The following OPCML variants were observed in gnomAD, a reference collection of about 807,000 sequenced individuals.
OPCML encodes the protein opioid-binding protein/cell adhesion molecule.
A neutral mutation model predicts 37.8 loss-of-function variants in OPCML; 13 were observed. That is an observed-to-expected ratio of 0.34 (90% CI 0.22 to 0.55). OPCML has a LOEUF of 0.55. OPCML is among the 20% of genes least tolerant of loss of function. The probability of loss-of-function intolerance (pLI) is 0.91; values close to 1 mark genes in which losing one functional copy is unlikely to be tolerated. For synonymous variants in OPCML, 176 were observed against 168.8 expected (o/e 1.04, Z -0.33); for missense variants, 341 against 435.6 (o/e 0.78, Z 1.93).
At chr11:133,457,026 G>T (rs1349889804) in intron 1 of OPCML, among the ~76,000 whole-genome samples, 2 of 152,088 alleles carry the variant, frequency 1.3e-5, no homozygotes, top group African/African-American at 4.8e-5. Context: ...GTCTAAGTAG[G>T]ATTAACCAAC....
At chr11:132,702,224 T>G (rs1943854418) in intron 2 of OPCML, among the ~76,000 whole-genome samples, 1 of 152,196 alleles carries the variant, frequency 6.6e-6, no homozygotes, top group South Asian at 2.1e-4. Context: ...AAAACTCCAT[T>G]TGGCATTTAT....
chr11:132,561,678 T>G (rs1158718639), intron 3 of OPCML, among the ~76,000 whole-genome samples: 1 of 152,254 alleles, frequency 6.6e-6, no homozygotes, highest in Non-Finnish European at 1.5e-5. Context: ...TAAAATGAAT[T>G]CATGTCATAC....
chr11:132,622,712 T>TG (rs1339897890), intron 3 of OPCML, among the ~76,000 whole-genome samples: 1 of 152,176 alleles, frequency 6.6e-6, no homozygotes, highest in South Asian at 2.1e-4. Context: ...GATGGAACCA[T>TG]GGGGGGCTGC....
intron 1 of OPCML, among the ~76,000 whole-genome samples, chr11:133,477,012 A>G (rs1393037054): frequency 6.6e-6 from 1 of 152,190 alleles, no homozygotes; most frequent in Non-Finnish European, 1.5e-5. Context: ...TTTACAAAAC[A>G]GGACCCTTGG....
chr11:133,424,048 G>A (rs2136901231), intron 1 of OPCML, among the ~76,000 whole-genome samples: 1 of 152,288 alleles, frequency 6.6e-6, no homozygotes, highest in South Asian at 2.1e-4. Context: ...CCCAGGGTCA[G>A]ATATTCCTTA....
intron 2 of OPCML, among the ~76,000 whole-genome samples, chr11:132,893,415 A>ATCACAG (rs1278601197): frequency 1.3e-5 from 2 of 152,156 alleles, no homozygotes; most frequent in Admixed American, 6.5e-5. Context: ...GCTGCTGGGC[A>ATCACAG]CTCAGCTAGC....
chr11:132,898,808 AATG>A (rs377689950), intron 2 of OPCML, among the ~76,000 whole-genome samples: 32 of 152,056 alleles, frequency 2.1e-4, no homozygotes, highest in Non-Finnish European at 3.5e-4. Flanking sequence ...GAGACACAAC[AATG>A]ATTCCATTGA....
chr11:133,331,326 A>G (rs1943614712), intron 1 of OPCML, among the ~76,000 whole-genome samples: 1 of 152,138 alleles, frequency 6.6e-6, no homozygotes, highest in Non-Finnish European at 1.5e-5. Context: ...ATGGGTGACA[A>G]GGACAGCTGA....
chr11:132,972,809 A>G (rs1481620776), intron 1 of OPCML, among the ~76,000 whole-genome samples: 1 of 152,156 alleles, frequency 6.6e-6, no homozygotes, highest in Non-Finnish European at 1.5e-5. Flanking sequence ...GGGAAACCGC[A>G]GCCCCCTGCT....
intron 2 of OPCML, among the ~76,000 whole-genome samples, chr11:132,839,906 T>C (rs1205761807): frequency 1.3e-5 from 2 of 152,078 alleles, no homozygotes; most frequent in African/African-American, 4.8e-5. Flanking sequence ...GTGGACAGAG[T>C]GTCTTCCGTC....
chr11:132,877,411 A>G lies in OPCML; in HGVS notation c.146+65515T>C, dbSNP rs112220537. ...ACTTATCAGTGCAGCACCCAGCACC[A>G]AGCACACTGGAGTCTGGCCCTAGCT... On this transcript the variant is annotated intron_variant, in intron 2 of 7. Transcript: ENST00000524381. Among the ~76,000 whole-genome samples the G allele has an allele frequency of 6.9e-3, 1,053 of 152,330 alleles. 12 individuals are homozygous for G. The highest frequency in any genetic ancestry group is 0.024 in the African/African-American group (1,007 of 41,572).
At chr11:133,084,273 T>C (rs1023753746) in intron 1 of OPCML, among the ~76,000 whole-genome samples, 1 of 152,200 alleles carries the variant, frequency 6.6e-6, no homozygotes, top group East Asian at 1.9e-4. Context: ...CCCAGACACC[T>C]GCACAGGGCC....
intron 1 of OPCML, among the ~76,000 whole-genome samples, chr11:133,291,137 G>A (rs190139002): frequency 5.6e-4 from 85 of 152,324 alleles, no homozygotes; most frequent in Non-Finnish European, 1.1e-3. Flanking sequence ...TGTGTCATAA[G>A]ACAAAAACCT....
chr11:133,333,856 A>C (rs1943681377), intron 1 of OPCML, among the ~76,000 whole-genome samples: 1 of 152,252 alleles, frequency 6.6e-6, no homozygotes, highest in Non-Finnish European at 1.5e-5. Context: ...TTCTCAAAAG[A>C]AGACATATAT....
At chr11:133,057,067 C>G (rs1335377674) in intron 1 of OPCML, among the ~76,000 whole-genome samples, 2 of 152,208 alleles carry the variant, frequency 1.3e-5, no homozygotes, top group Non-Finnish European at 2.9e-5. Context: ...TGGTCTCGAA[C>G]TCCCGACCTC....
intron 1 of OPCML, among the ~76,000 whole-genome samples, chr11:133,254,784 G>T (rs910554438): frequency 6.6e-6 from 1 of 152,164 alleles, no homozygotes; most frequent in African/African-American, 2.4e-5. Flanking sequence ...GTGCACTGGA[G>T]ATGTGGTACC....
intron 1 of OPCML, among the ~76,000 whole-genome samples, chr11:133,252,921 G>T (rs181751588): frequency 6.6e-6 from 1 of 152,240 alleles, no homozygotes; most frequent in East Asian, 1.9e-4. Context: ...GCCAAGGCGG[G>T]TGGATCACAA....
intron 1 of OPCML, among the ~76,000 whole-genome samples, chr11:133,432,691 G>T (rs1422874091): frequency 1.3e-5 from 2 of 152,098 alleles, no homozygotes; most frequent in East Asian, 3.8e-4. Flanking sequence ...GTCTCTTTCA[G>T]TTGTCTTTGA....
chr11:133,088,070 A>T (rs1352115853), intron 1 of OPCML, among the ~76,000 whole-genome samples: 2 of 152,222 alleles, frequency 1.3e-5, no homozygotes, highest in Non-Finnish European at 2.9e-5. Context: ...AGAAGTACAT[A>T]TCAAAATCCA....
Sources: gnomAD v4.1 joint callset for allele counts (sites outside exome capture counted in the v4.1 genomes callset) on GRCh38, gnomAD v4.1.1 for gene constraint, MANE v1.5 for transcripts, NCBI Gene and HGNC (gene_info 2026-07-23, HGNC 2026-07-21) for gene names.